The following SEMA5B variants were observed in gnomAD, a reference collection of about 807,000 sequenced individuals.
SEMA5B encodes semaphorin 5B, also known as semaphorin-5B.
Under a neutral mutation model 135.0 loss-of-function variants are expected in SEMA5B, and 66 were observed. The observed-to-expected ratio is 0.49, with a 90% confidence interval of 0.40 to 0.60. SEMA5B has a LOEUF of 0.60. Ranked by LOEUF, SEMA5B falls within the 20% of genes least tolerant of loss-of-function variation. SEMA5B has a pLI of 0.00. For missense variants in SEMA5B, 1,501 were observed against 1,566.3 expected, an observed-to-expected ratio of 0.96 and a Z score of 0.70; for synonymous variants, 690 against 639.5, an observed-to-expected ratio of 1.08 and a Z score of -1.19.
chr3:122,983,203 C>G (rs1415108778), intron 1 of SEMA5B, among the ~76,000 whole-genome samples: 1 of 152,170 alleles, frequency 6.6e-6, no homozygotes, highest in African/African-American at 2.4e-5. Flanking sequence ...ATCTTCAAGG[C>G]TCGTCTCCTT....
intron 8 of SEMA5B, among the ~76,000 whole-genome samples, chr3:122,927,144 A>G (rs1938680904): frequency 6.6e-6 from 1 of 152,146 alleles, no homozygotes; most frequent in Non-Finnish European, 1.5e-5. Context: ...CAGGGGTTCA[A>G]CCCCAAGGGC....
chr3:122,924,063 T>C (rs994574617), intron 9 of SEMA5B, among the ~76,000 whole-genome samples: 1 of 152,138 alleles, frequency 6.6e-6, no homozygotes, highest in Non-Finnish European at 1.5e-5. Flanking sequence ...TGGTAAGAGA[T>C]ATATTTTACC....
At chr3:123,013,060 C>A (rs548536993) in intron 1 of SEMA5B, among the ~76,000 whole-genome samples, 13 of 152,248 alleles carry the variant, frequency 8.5e-5, no homozygotes, top group South Asian at 2.1e-4. Flanking sequence ...AGGGATGGAG[C>A]CAATGCAATG....
In SEMA5B at chr3:122,912,944, ACG is replaced by A; in HGVS notation, c.2622_2623del (p.Val875ProfsTer7). The A allele has an allele frequency of 6.2e-7, 1 of 1,612,706 alleles. No homozygotes were observed. The highest frequency in any genetic ancestry group is 8.5e-7 in the Non-Finnish European group (1 of 1,179,494). On this transcript the variant is annotated frameshift_variant, in exon 18 of 23. Transcript: ENST00000357599. LOFTEE classifies it high-confidence loss of function. ...CGGGTTAGTGCACGTTCTCTTGCGG[ACG>A]CGGAAGCCCAGCTCGCAGTCCCGGG...
chr3:122,985,091 C>A (rs950532360), intron 1 of SEMA5B, among the ~76,000 whole-genome samples: 1 of 152,158 alleles, frequency 6.6e-6, no homozygotes, highest in Admixed American at 6.5e-5. Context: ...TATAATGATG[C>A]AACTTGTTTG....
chr3:122,995,614 TG>T (rs1415988065), intron 1 of SEMA5B, among the ~76,000 whole-genome samples: 2 of 152,022 alleles, frequency 1.3e-5, no homozygotes, highest in African/African-American at 4.8e-5. Context: ...AGGGAGGCCC[TG>T]GGGTTGAAAA....
At chr3:122,919,145 C>T (rs1430996247) in intron 12 of SEMA5B, among the ~76,000 whole-genome samples, 1 of 151,900 alleles carries the variant, frequency 6.6e-6, no homozygotes, top group Admixed American at 6.6e-5. Flanking sequence ...AGTAGTCTCA[C>T]AGTGGGAGCT....
chr3:122,928,078 T>C, intron 7 of SEMA5B, 75 bp from the exon 8 acceptor site: 1 of 1,103,372 alleles, frequency 9.1e-7, no homozygotes, highest in Non-Finnish European at 1.3e-6. Context: ...CTGAGTTTTG[T>C]TTCCTCCTGT....
At position 122,961,225 on chromosome 3, in the gene SEMA5B, G is replaced by A. The variant is rs1318767440; in HGVS notation, c.39C>T (p.His13=). 1.9e-6 allele frequency: 3 copies of A among 1,614,046 alleles called. No individual in the cohort carries two copies. Among genetic ancestry groups the A allele is most frequent in the Non-Finnish European group, 2.5e-6 (3 of 1,179,972 alleles). ...GGGTATCAGGCGGCCCAGGGACGAG[G>A]TGGTGGGCAACAGGAGACGGACTGA... The part of the protein sequence containing the change: ...CGFSPSPVAH[H]LVPGPPDTPA... The change falls in exon 2 of 23, where the codon CAC becomes CAT. Residue 13 remains histidine, a synonymous_variant. Coordinates refer to ENST00000357599, the MANE Select transcript of SEMA5B (RefSeq NM_001031702.4).
At chr3:122,937,735 TCAGTCATCAAGCG>T (rs1939362039) in intron 5 of SEMA5B, among the ~76,000 whole-genome samples, 1 of 152,128 alleles carries the variant, frequency 6.6e-6, no homozygotes, top group Non-Finnish European at 1.5e-5. Context: ...ACCCCAGAAC[TCAGTCATCAAGCG>T]CAGTCTTAAC....
At chr3:122,945,952 C>T (rs543737185) in intron 3 of SEMA5B, among the ~76,000 whole-genome samples, 1 of 151,568 alleles carries the variant, frequency 6.6e-6, no homozygotes, top group Non-Finnish European at 1.5e-5. Flanking sequence ...GGGCATAGCA[C>T]GGGGATCCTA....
intron 1 of SEMA5B, among the ~76,000 whole-genome samples, chr3:122,967,033 C>T (rs766521291): frequency 5.3e-5 from 8 of 151,770 alleles, no homozygotes; most frequent in South Asian, 4.2e-4. Flanking sequence ...TGCAGGCGCC[C>T]GCCACCACAT....
At chr3:122,952,845 C>G (rs1161774619) in intron 2 of SEMA5B, among the ~76,000 whole-genome samples, 1 of 152,174 alleles carries the variant, frequency 6.6e-6, no homozygotes, top group Non-Finnish European at 1.5e-5. Context: ...CTGCATCCCT[C>G]AACAGACCAG....
At chr3:122,921,175 C>T (rs1037677150) in intron 12 of SEMA5B, among the ~76,000 whole-genome samples, 2 of 152,236 alleles carry the variant, frequency 1.3e-5, no homozygotes, top group Admixed American at 1.3e-4. Context: ...GCCACAGAAG[C>T]TCGCATGGCT....
chr3:122,998,964 C>G (rs797021007), intron 1 of SEMA5B, among the ~76,000 whole-genome samples: 54 of 152,286 alleles, frequency 3.5e-4, no homozygotes, highest in African/African-American at 1.3e-3. Context: ...CCTGTCCAAC[C>G]CTTTCATGTT....
chr3:122,939,673 G>A (rs1939467386), intron 4 of SEMA5B, among the ~76,000 whole-genome samples: 1 of 152,192 alleles, frequency 6.6e-6, no homozygotes, highest in Non-Finnish European at 1.5e-5. Flanking sequence ...CCAAGTTACA[G>A]ATGAAGAAGC....
intron 1 of SEMA5B, among the ~76,000 whole-genome samples, chr3:122,965,143 T>C (rs1259358116): frequency 2.0e-5 from 3 of 152,232 alleles, no homozygotes. Flanking sequence ...TGGTAGGGAC[T>C]GTCCAGAAGT....
chr3:122,932,544 C>T (rs1182130961), intron 5 of SEMA5B, among the ~76,000 whole-genome samples: 1 of 152,118 alleles, frequency 6.6e-6, no homozygotes, highest in Non-Finnish European at 1.5e-5. Context: ...ACTATGATGA[C>T]ATCCCACGGG....
intron 14 of SEMA5B, among the ~76,000 whole-genome samples, chr3:122,914,798 A>G (rs1937975667): frequency 6.6e-6 from 1 of 152,156 alleles, no homozygotes; most frequent in African/African-American, 2.4e-5. Context: ...TTAGCTGGGT[A>G]TGGTGTGGGC....
Sources: allele counts gnomAD v4.1 joint callset (sites outside exome capture counted in the v4.1 genomes callset), GRCh38; gene constraint gnomAD v4.1.1; transcripts MANE v1.5; gene names NCBI Gene and HGNC (gene_info 2026-07-23, HGNC 2026-07-21).